GPR39: variants seen among roughly 807,000 people sequenced by gnomAD.
The protein encoded by GPR39 is zinc sensing receptor.
A neutral mutation model predicts 18.4 loss-of-function variants in GPR39; 23 were observed. The observed-to-expected ratio is 1.25, with a 90% CI of 0.90 to 1.77. The LOEUF (loss-of-function observed/expected upper bound fraction) is 1.77. Among genes scored for constraint, GPR39 ranks in the 40% most tolerant of loss-of-function variants. GPR39 has a pLI of 0.00. For missense variants in GPR39, 647 were observed against 602.4 expected, an observed-to-expected ratio of 1.07 and a Z score of -0.78; for synonymous variants, 280 against 257.9, an observed-to-expected ratio of 1.09 and a Z score of -0.82.
chr2:132,646,218 G>A lies in GPR39; in HGVS notation c.*612G>A. 1.2e-6 allele frequency: 2 copies of A among 1,602,188 alleles called. No homozygotes were observed. Among genetic ancestry groups the A allele is most frequent in the Non-Finnish European group, 1.7e-6 (2 of 1,173,068 alleles). On this transcript the variant is annotated 3_prime_UTR_variant, in exon 2 of 2. Coordinates refer to ENST00000329321, the MANE Select transcript of GPR39 (RefSeq NM_001508.3). The stretch of plus-strand genomic sequence containing the variant: ...AGTTTCCCTGGGGAGCAGAAGGACT[G>A]GTACCCGGCAGAGGCGATGAGACAG...
chr2:132,439,462 T>TG (rs1332305590), intron 1 of GPR39, among the ~76,000 whole-genome samples: 2 of 152,200 alleles, frequency 1.3e-5, no homozygotes, highest in African/African-American at 4.8e-5. Flanking sequence ...TTGACAATGG[T>TG]GGGACTTTTG....
intron 1 of GPR39, among the ~76,000 whole-genome samples, chr2:132,567,640 A>G (rs1463497447): frequency 6.6e-6 from 1 of 152,208 alleles, no homozygotes; most frequent in Non-Finnish European, 1.5e-5. Context: ...CTACAGAAAC[A>G]GAAAACAGGC....
In GPR39 at chr2:132,645,320, T is replaced by C. The variant is rs1681998783; in HGVS notation, c.1076T>C (p.Leu359Pro). ...TTTCGGCGGGTGTTCGTGCAGGTGCTGTGCTGCCGCCTGTCGCTGCAGCAC... is the reference window on the plus strand; with the variant it reads ...TTTCGGCGGGTGTTCGTGCAGGTGCCGTGCTGCCGCCTGTCGCTGCAGCAC... ...QQFRRVFVQV[L>P]CCRLSLQHAN... The change falls in exon 2 of 2, where the codon CTG becomes CCG. Residue 359 changes from leucine to proline, a missense_variant. Leu to Pro is a moderately conservative substitution (Grantham distance 98). Coordinates refer to ENST00000329321, the MANE Select transcript of GPR39 (RefSeq NM_001508.3). 6.8e-6 allele frequency: 11 copies of C among 1,614,096 alleles called. No individual in the cohort carries two copies. In the East Asian group the frequency reaches 2.0e-4, roughly 29 times the overall value.
chr2:132,558,063 T>C (rs752963911), intron 1 of GPR39, among the ~76,000 whole-genome samples: 1 of 152,126 alleles, frequency 6.6e-6, no homozygotes, highest in Non-Finnish European at 1.5e-5. Context: ...TTTTTTGTTA[T>C]ATAAAGGATA....
intron 1 of GPR39, among the ~76,000 whole-genome samples, chr2:132,584,068 T>C (rs1680677914): frequency 6.6e-6 from 1 of 151,858 alleles, no homozygotes; most frequent in African/African-American, 2.4e-5. Flanking sequence ...AGGAAGTTTT[T>C]TGAGGGGTGG....
intron 1 of GPR39, among the ~76,000 whole-genome samples, chr2:132,575,290 C>T (rs1680510491): frequency 6.6e-6 from 1 of 152,142 alleles, no homozygotes; most frequent in African/African-American, 2.4e-5. Context: ...TTTCACTGTG[C>T]AGTCACTTAA....
At chr2:132,449,589 G>A (rs1680598838) in intron 1 of GPR39, among the ~76,000 whole-genome samples, 1 of 152,026 alleles carries the variant, frequency 6.6e-6, no homozygotes, top group Non-Finnish European at 1.5e-5. Flanking sequence ...ATTTTCATTT[G>A]GTTGTCTTGG....
At chr2:132,510,254 CACAT>C (rs1437609256) in intron 1 of GPR39, among the ~76,000 whole-genome samples, 1 of 152,120 alleles carries the variant, frequency 6.6e-6, no homozygotes, top group Admixed American at 6.5e-5. Flanking sequence ...ACAAAACACT[CACAT>C]ACAAGACATG....
rs1415841496 is a variant in GPR39 at position 132,416,839 on chromosome 2, C to T, written c.-204C>T. 1 of 655,224 alleles carries T rather than the reference C, an allele frequency of 1.5e-6. No homozygotes were observed. Among genetic ancestry groups the T allele is most frequent in the Non-Finnish European group, 2.6e-6 (1 of 387,190 alleles). The allele number at this position is 655,224 out of a possible 1,614,324, so 40.6% of individuals were successfully genotyped here. On this transcript the variant is annotated 5_prime_UTR_variant, in exon 1 of 2. Coordinates refer to ENST00000329321, the MANE Select transcript of GPR39 (RefSeq NM_001508.3). The stretch of plus-strand genomic sequence containing the variant: ...CCCAAACCTCAACACCCAGGCGCCT[C>T]CTGGGCCTCTCCTAGGTTGGGCTGC...
chr2:132,453,186 G>A (rs1005617479), intron 1 of GPR39, among the ~76,000 whole-genome samples: 3 of 152,202 alleles, frequency 2.0e-5, no homozygotes, highest in Non-Finnish European at 4.4e-5. Context: ...ACTGATGTGA[G>A]ATGGTATCTC....
intron 1 of GPR39, among the ~76,000 whole-genome samples, chr2:132,539,522 G>C (rs1223613553): frequency 1.3e-5 from 2 of 152,192 alleles, no homozygotes; most frequent in Non-Finnish European, 2.9e-5. Context: ...CACTATGCTA[G>C]AGTGTTAGGG....
At chr2:132,532,972 C>A (rs540878350) in intron 1 of GPR39, among the ~76,000 whole-genome samples, 1 of 152,142 alleles carries the variant, frequency 6.6e-6, no homozygotes, top group East Asian at 2.0e-4. Flanking sequence ...TCCTATTCAA[C>A]GTAGTGTTGG....
chr2:132,622,117 G>A (rs1407579026), intron 1 of GPR39, among the ~76,000 whole-genome samples: 1 of 152,168 alleles, frequency 6.6e-6, no homozygotes, highest in Non-Finnish European at 1.5e-5. Flanking sequence ...GAATTGGCAG[G>A]GTGCAGTGGC....
At chr2:132,532,034 C>A (rs1389079387) in intron 1 of GPR39, among the ~76,000 whole-genome samples, 3 of 152,198 alleles carry the variant, frequency 2.0e-5, no homozygotes, top group East Asian at 1.9e-4. Flanking sequence ...ACACAAAAAA[C>A]CCTTCAAAAA....
At chr2:132,467,192 G>A (rs1244023846) in intron 1 of GPR39, among the ~76,000 whole-genome samples, 1 of 152,176 alleles carries the variant, frequency 6.6e-6, no homozygotes, top group Non-Finnish European at 1.5e-5. Flanking sequence ...ACAGGCAGGT[G>A]TTGAGCATAG....
In GPR39 at chr2:132,579,537, G is replaced by A. The variant is rs116428694; in HGVS notation, c.857-65564G>A. ...GATGTTATGACTAGTTCTACTAATT[G>A]CTGAGAAAGGGGTGTTGAAGTTCCA... On this transcript the variant is annotated intron_variant, in intron 1 of 1. Coordinates refer to ENST00000329321, the MANE Select transcript of GPR39 (RefSeq NM_001508.3). Among the ~76,000 whole-genome samples, 1,060 of 152,196 alleles carry A rather than the reference G, an allele frequency of 7.0e-3. 8 individuals carry two copies. Among genetic ancestry groups the A allele is most frequent in the Non-Finnish European group, 0.011 (773 of 67,980 alleles).
intron 1 of GPR39, among the ~76,000 whole-genome samples, chr2:132,586,356 G>A (rs1310981150): frequency 6.6e-6 from 1 of 152,104 alleles, no homozygotes; most frequent in African/African-American, 2.4e-5. Flanking sequence ...ATTGTAAAAC[G>A]GTCTGGTGAC....
At chr2:132,473,254 A>C (rs1442165655) in intron 1 of GPR39, among the ~76,000 whole-genome samples, 2 of 152,212 alleles carry the variant, frequency 1.3e-5, no homozygotes, top group Non-Finnish European at 2.9e-5. Context: ...AGTCACTGGA[A>C]GCTCTAAAAA....
intron 1 of GPR39, among the ~76,000 whole-genome samples, chr2:132,625,227 G>C (rs1352393816): frequency 6.6e-6 from 1 of 152,132 alleles, no homozygotes; most frequent in African/African-American, 2.4e-5. Context: ...GCAGTTATGT[G>C]ATGACTCCTG....
Sources: gnomAD v4.1 joint callset for allele counts (sites outside exome capture counted in the v4.1 genomes callset) on GRCh38, gnomAD v4.1.1 for gene constraint, MANE v1.5 for transcripts, NCBI Gene and HGNC (gene_info 2026-07-23, HGNC 2026-07-21) for gene names.